Variants in FIG4 observed in about 807,000 individuals in gnomAD.
FIG4 encodes polyphosphoinositide phosphatase.
A neutral mutation model predicts 118.6 loss-of-function variants in FIG4; 112 were observed. That is an observed-to-expected ratio of 0.94 (90% CI 0.81 to 1.11). FIG4 has a LOEUF of 1.11. FIG4 is among the 50% of genes least tolerant of loss of function. The pLI is 0.00. For missense variants in FIG4, 969 were observed against 1,111.7 expected (o/e 0.87, Z 1.83); for synonymous variants, 369 against 381.2 (o/e 0.97, Z 0.37).
intron 10 of FIG4, among the ~76,000 whole-genome samples, chr6:109,753,988 T>C (rs1272450474): frequency 6.6e-6 from 1 of 152,014 alleles, no homozygotes; most frequent in African/African-American, 2.4e-5. Flanking sequence ...TGAATAGGAG[T>C]GGTGAGAGAG....
chr6:109,795,931 A>T (rs1489032602), intron 21 of FIG4, among the ~76,000 whole-genome samples: 1 of 151,882 alleles, frequency 6.6e-6, no homozygotes, highest in Non-Finnish European at 1.5e-5. Context: ...CTGCCCTGTA[A>T]CCTCCCATGG....
rs1740662199 is a variant in FIG4 at position 109,776,919 on chromosome 6, T to C, written c.1751-3T>C. On this transcript the variant is annotated splice_region_variant and splice_polypyrimidine_tract_variant and intron_variant, in intron 15 of 22. Coordinates refer to ENST00000230124, the MANE Select transcript of FIG4 (RefSeq NM_014845.6). ...TTTCTGAAATATATATTTTGCTTTT[T>C]AGATGCCGATAGACAAGATTCCATT... The C allele has an allele frequency of 6.2e-7, 1 of 1,611,966 alleles. No individual in the cohort carries two copies. The highest frequency in any genetic ancestry group is 1.3e-5 in the African/African-American group (1 of 74,890).
chr6:109,738,477 A>G, intron 7 of FIG4, 24 bp downstream of exon 7: 1 of 1,601,654 alleles, frequency 6.2e-7, no homozygotes, highest in Non-Finnish European at 8.6e-7. Context: ...AGAAAAAGTA[A>G]GATACATATT....
intron 10 of FIG4, among the ~76,000 whole-genome samples, chr6:109,747,068 T>C (rs1776522825): frequency 6.6e-6 from 1 of 151,906 alleles, no homozygotes; most frequent in African/African-American, 2.4e-5. Context: ...ACATGCTGAG[T>C]GAGGTTTGAG....
At chr6:109,794,412 G>A (rs893816297) in intron 21 of FIG4, among the ~76,000 whole-genome samples, 2 of 152,166 alleles carry the variant, frequency 1.3e-5, no homozygotes, top group African/African-American at 2.4e-5. Context: ...GGGGAGAAAC[G>A]GGGCTGATCA....
Position 109,795,095 on chromosome 6 carries a change from G to GTTTTTTTTTTTTTTTTTTTTTT in FIG4, c.2460-1651_2460-1630dup, listed in dbSNP as rs571649446. Among the ~76,000 whole-genome samples, 7 of 57,250 alleles carry GTTTTTTTTTTTTTTTTTTTTTT rather than the reference G, an allele frequency of 1.2e-4. 3 individuals are homozygous for GTTTTTTTTTTTTTTTTTTTTTT. Among genetic ancestry groups the GTTTTTTTTTTTTTTTTTTTTTT allele is most frequent in the Non-Finnish European group, 2.4e-4 (7 of 28,708 alleles). 37.6% of individuals were successfully genotyped at this position (57,250 alleles called of 152,430 possible). ...TCCTCAAAGCTTCATACACTTGCCA[G>GTTTTTTTTTTTTTTTTTTTTTT]TTTTTTTTTTTTTTTTTTTTTTTTT... On this transcript the variant is annotated intron_variant, in intron 21 of 22. Coordinates refer to ENST00000230124, the MANE Select transcript of FIG4 (RefSeq NM_014845.6).
Position 109,776,987 on chromosome 6 carries a change from C to T in FIG4, c.1816C>T (p.His606Tyr), listed in dbSNP as rs750816893. 3 of 1,613,316 alleles carry T rather than the reference C, an allele frequency of 1.9e-6. No homozygotes were observed. The highest frequency in any genetic ancestry group is 3.3e-5 in the Admixed American group (2 of 59,992). ...TTTCCATCCCACTGAAGGGAAACCTCATCTCTGGGAGCTCCCAACAGATTT... is the reference window on the plus strand; with the variant it reads ...TTTCCATCCCACTGAAGGGAAACCTTATCTCTGGGAGCTCCCAACAGATTT... ...GVFHPTEGKPHLWELPTDFYL... is the reference protein window; with the variant it reads ...GVFHPTEGKPYLWELPTDFYL... The change falls in exon 16 of 23, where the codon CAT (histidine) becomes TAT (tyrosine). Residue 606 changes from histidine (H) to tyrosine (Y), a missense_variant. By Grantham distance (83) the His-to-Tyr change is moderately conservative (BLOSUM62 2). This residue lies in a region of FIG4 where 246 missense variants were observed against 354.3 expected (regional missense o/e 0.69). Transcript: ENST00000230124.
chr6:109,778,817 T>G (rs1268865410), intron 16 of FIG4, among the ~76,000 whole-genome samples: 5 of 152,130 alleles, frequency 3.3e-5, no homozygotes, highest in African/African-American at 9.7e-5. Flanking sequence ...GCTAGGGTGG[T>G]CTTGATCTCC....
At position 109,743,757 on chromosome 6, in the gene FIG4, C is replaced by G. The variant is rs1376239309; in HGVS notation, c.1122C>G (p.Ile374Met). 9 of 1,611,292 alleles carry G rather than the reference C, an allele frequency of 5.6e-6. No homozygotes were observed. The highest frequency in any genetic ancestry group is 6.8e-6 in the Non-Finnish European group (8 of 1,178,000). ...AGAGGTTTGGCTCTCCCATCATCAT[C>G]TTGAATTTAGTGAAGGTATGATGTG... is the stretch of plus-strand genomic sequence containing the variant. ...MFQRFGSPII[I>M]LNLVKEREKR... Residue 374 changes from isoleucine to methionine, a missense_variant, in exon 10 of 23, where the codon ATC becomes ATG. Around this residue, in one of 3 missense-constraint regions of FIG4, gnomAD observed 246 missense variants for 354.3 expected, o/e 0.69. Coordinates refer to ENST00000230124, the MANE Select transcript of FIG4 (RefSeq NM_014845.6).
chr6:109,692,731 C>T (rs1010607432), intron 1 of FIG4, among the ~76,000 whole-genome samples: 4 of 151,454 alleles, frequency 2.6e-5, no homozygotes, highest in Admixed American at 1.3e-4. Flanking sequence ...GAGTCTTGCT[C>T]TGTCACCCAG....
chr6:109,821,470 A>C (rs1328231201), intron 22 of FIG4, among the ~76,000 whole-genome samples: 1 of 152,218 alleles, frequency 6.6e-6, no homozygotes, highest in Non-Finnish European at 1.5e-5. Context: ...AAGACAAGTT[A>C]ATAAAAGAGG....
At position 109,697,007 on chromosome 6, in the gene FIG4, T is replaced by G. The variant is rs533202505; in HGVS notation, c.66+5506T>G. On this transcript the variant is annotated intron_variant, in intron 1 of 22. Coordinates refer to ENST00000230124, the MANE Select transcript of FIG4 (RefSeq NM_014845.6). ...TTAAAATATCACTCTATGTTTCATA[T>G]GTACAATTATTACATGTTACCTAAA... Among the ~76,000 whole-genome samples the G allele has an allele frequency of 5.7e-4, 87 of 152,160 alleles. 1 individual carries two copies. The highest frequency in any genetic ancestry group is 3.1e-3 in the Admixed American group (48 of 15,272).
At chr6:109,695,433 C>T (rs1317266664) in intron 1 of FIG4, among the ~76,000 whole-genome samples, 1 of 152,164 alleles carries the variant, frequency 6.6e-6, no homozygotes, top group East Asian at 1.9e-4. Flanking sequence ...TGAGCAGCAG[C>T]ATTGTTGTGG....
chr6:109,813,585 G>C (rs980631626), intron 22 of FIG4, among the ~76,000 whole-genome samples: 1 of 152,162 alleles, frequency 6.6e-6, no homozygotes, highest in Non-Finnish European at 1.5e-5. Flanking sequence ...GGTTTGTTAT[G>C]ATTATCTTCA....
In FIG4 at chr6:109,791,545, G is replaced by T; in HGVS notation, c.2350G>T (p.Ala784Ser). The T allele has an allele frequency of 5.0e-6, 8 of 1,613,956 alleles. No homozygotes were observed. The Middle Eastern group carries it at 1.2e-3, about 233-fold the overall frequency. Residue 784 changes from alanine (A) to serine (S), a missense_variant, in exon 20 of 23, where the codon GCA (alanine) becomes TCA (serine). Physicochemically the swap from Ala to Ser is moderately conservative, Grantham distance 99 (BLOSUM62 1). Coordinates refer to ENST00000230124, the MANE Select transcript of FIG4 (RefSeq NM_014845.6). ...CTCCACTCCCGTGAAGATGACTGAT[G>T]CAGGAGACAGTGCCAAAGTGACCGA... ...QRSTPVKMTD[A>S]GDSAKVTENV... is the part of the protein sequence containing the mutation.
At chr6:109,734,588 T>C (rs1239187921) in intron 5 of FIG4, among the ~76,000 whole-genome samples, 1 of 151,916 alleles carries the variant, frequency 6.6e-6, no homozygotes, top group Non-Finnish European at 1.5e-5. Flanking sequence ...TGTAATGAAA[T>C]TTAATTTGCA....
At chr6:109,771,461 CTTTTTTTTTTTTTTT>C (rs71018367) in intron 15 of FIG4, among the ~76,000 whole-genome samples, 1 of 86,000 alleles carries the variant, frequency 1.2e-5, no homozygotes, top group Non-Finnish European at 2.1e-5. Flanking sequence ...TCCTCTAATT[CTTTTTTTTTTTTTTT>C]TTTTTTTTTT....
chr6:109,770,539 A>G (rs1777427113), intron 15 of FIG4, among the ~76,000 whole-genome samples: 1 of 152,104 alleles, frequency 6.6e-6, no homozygotes, highest in Non-Finnish European at 1.5e-5. Flanking sequence ...GAGACTGAGT[A>G]ATTTCATAAA....
chr6:109,749,450 T>C (rs913611658), intron 10 of FIG4, among the ~76,000 whole-genome samples: 1 of 152,040 alleles, frequency 6.6e-6, no homozygotes, highest in African/African-American at 2.4e-5. Flanking sequence ...ATGGACAGTT[T>C]TCCAGTAAAT....
Sources: allele counts gnomAD v4.1 joint callset (sites outside exome capture counted in the v4.1 genomes callset), GRCh38; gene constraint gnomAD v4.1.1; regional missense constraint gnomAD v4.1.1; transcripts MANE v1.5; gene names NCBI Gene and HGNC (gene_info 2026-07-23, HGNC 2026-07-21).